STAMBP: variants seen among roughly 807,000 people sequenced by gnomAD.
STAMBP encodes the protein STAM-binding protein.
Under a neutral mutation model 50.7 loss-of-function variants are expected in STAMBP, and 31 were observed. The observed-to-expected ratio is 0.61, with a 90% confidence interval of 0.46 to 0.83. The LOEUF is 0.83. Among genes scored for constraint, STAMBP ranks in the 40% least tolerant of loss-of-function variants. The pLI is 0.00. For synonymous variants in STAMBP, 211 were observed against 192.4 expected, an observed-to-expected ratio of 1.10 and a Z score of -0.80; for missense variants, 472 against 518.9, an observed-to-expected ratio of 0.91 and a Z score of 0.88.
chr2:73,845,633 ATTTTTTT>A (rs944316554), intron 4 of STAMBP, among the ~76,000 whole-genome samples: 5 of 136,618 alleles, frequency 3.7e-5, no homozygotes, highest in Admixed American at 1.5e-4. Context: ...TTTTCAAGCT[ATTTTTTT>A]TTTTTTTTTT....
At chr2:73,842,886 C>T (rs1228778362) in intron 2 of STAMBP, among the ~76,000 whole-genome samples, 4 of 152,096 alleles carry the variant, frequency 2.6e-5, no homozygotes, top group Non-Finnish European at 4.4e-5. Flanking sequence ...TCAGGAAGCT[C>T]GCAGTGTAGT....
chr2:73,830,529 G>T (rs1381148807), intron 1 of STAMBP, among the ~76,000 whole-genome samples: 2 of 152,244 alleles, frequency 1.3e-5, no homozygotes, highest in Non-Finnish European at 2.9e-5. Context: ...TGTGGGCGGA[G>T]CCCCCTAATG....
Position 73,845,231 on chromosome 2 carries a change from C to A in STAMBP, c.344C>A (p.Thr115Asn), listed in dbSNP as rs777838297. ...ELKAELLKRYTKEYTEYNEEK... is the reference protein window; with the variant it reads ...ELKAELLKRYNKEYTEYNEEK... ...AAGGCAGAGCTGTTAAAACGATATA[C>A]CAAAGAATATACAGAATATAATGAA... The change falls in exon 4 of 10, where the codon ACC becomes AAC. Residue 115 changes from threonine (T) to asparagine (N), a missense_variant. Thr to Asn is a moderately conservative substitution (Grantham distance 65, BLOSUM62 0). Coordinates refer to ENST00000394070, the MANE Select transcript of STAMBP (RefSeq NM_213622.4). 2 of 1,613,514 alleles carry A rather than the reference C, an allele frequency of 1.2e-6. No homozygotes were observed. Among genetic ancestry groups the A allele is most frequent in the East Asian group, 2.2e-5 (1 of 44,850 alleles).
At chr2:73,834,233 AAAAATATATATATATATATATATATATAT>A (rs1558557924) in intron 2 of STAMBP, among the ~76,000 whole-genome samples, 5 of 13,662 alleles carry the variant, frequency 3.7e-4, no homozygotes, top group African/African-American at 1.2e-3. Context: ...AAAAAAAAAA[AAAAATATATATATATATATATATATATAT>A]ATATATATAT....
downstream of STAMBP, among the ~76,000 whole-genome samples, chr2:73,870,998 G>A (rs1206290129): frequency 6.6e-6 from 1 of 152,068 alleles, no homozygotes; most frequent in Non-Finnish European, 1.5e-5. Flanking sequence ...TTAAGCTCCT[G>A]GCCTCAAGCA....
At chr2:73,845,912 G>A (rs1041352036) in intron 4 of STAMBP, among the ~76,000 whole-genome samples, 5 of 152,206 alleles carry the variant, frequency 3.3e-5, no homozygotes, top group Non-Finnish European at 5.9e-5. Context: ...GATTACAGGC[G>A]TGAGCCGCTG....
intron 5 of STAMBP, among the ~76,000 whole-genome samples, chr2:73,848,723 C>T (rs1468404225): frequency 2.0e-5 from 3 of 152,156 alleles, no homozygotes; most frequent in Non-Finnish European, 4.4e-5. Flanking sequence ...AAGATCCTAC[C>T]TCTCAATAAT....
At chr2:73,834,273 A>T (rs1674440253) in intron 2 of STAMBP, among the ~76,000 whole-genome samples, 2 of 109,814 alleles carry the variant, frequency 1.8e-5, no homozygotes, top group Non-Finnish European at 3.6e-5. Context: ...ATATATATAT[A>T]TATATATATA....
At position 73,862,834 on chromosome 2, in the gene STAMBP, A is replaced by G. The variant is rs1229460207; in HGVS notation, c.*575A>G. On this transcript the variant is annotated 3_prime_UTR_variant, in exon 10 of 10. Coordinates refer to ENST00000394070, the MANE Select transcript of STAMBP (RefSeq NM_213622.4). ...ATTTTGTCAGGAATTATTGTTATTT[A>G]ATAAATATTTCAGGATATTTTTCCT... The G allele has an allele frequency of 6.6e-6, 1 of 152,652 alleles. No homozygotes were observed. The highest frequency in any genetic ancestry group is 1.5e-5 in the Non-Finnish European group (1 of 68,044). The allele number at this position is 152,652 out of a possible 1,614,324, so 9.5% of individuals were successfully genotyped here. A position where few individuals can be genotyped will look rare whatever the true frequency, so the allele number is the denominator to read the frequency against.
chr2:73,872,364 C>CT (rs1246488172), intron 10 of STAMBP, among the ~76,000 whole-genome samples: 1 of 152,174 alleles, frequency 6.6e-6, no homozygotes, highest in African/African-American at 2.4e-5. Context: ...GTGCTGTTAG[C>CT]TTTAGATAAT....
rs1334033890 is a variant in STAMBP at position 73,829,453 on chromosome 2, C to T, written c.-70C>T. The T allele has an allele frequency of 6.6e-6, 1 of 152,230 alleles. No homozygotes were observed. The highest frequency in any genetic ancestry group is 1.5e-5 in the Non-Finnish European group (1 of 68,080). 9.4% of individuals were successfully genotyped at this position (152,230 alleles called of 1,614,324 possible). On this transcript the variant is annotated 5_prime_UTR_variant, in exon 1 of 10. Coordinates refer to ENST00000394070, the MANE Select transcript of STAMBP (RefSeq NM_213622.4). Reference sequence around the variant, plus strand: ...TGCTCAACCAGGTGGTAACCGGCGCCGCTTCCTGGCCTTGGGAGGTGGTTC... The same window carrying T: ...TGCTCAACCAGGTGGTAACCGGCGCTGCTTCCTGGCCTTGGGAGGTGGTTC...
At chr2:73,849,231 ATCCCT>A in intron 5 of STAMBP, 127 bp from the exon 6 acceptor site, 1 of 1,335,862 alleles carries the variant, frequency 7.5e-7, no homozygotes, top group Non-Finnish European at 1.0e-6. Context: ...TTAGAATGAG[ATCCCT>A]ACTCACTGCC....
chr2:73,831,739 A>G (rs1024975072), intron 2 of STAMBP, among the ~76,000 whole-genome samples: 1 of 152,166 alleles, frequency 6.6e-6, no homozygotes. Context: ...AGGACTTTTT[A>G]AAAAATAATT....
chr2:73,843,886 C>G (rs1176570643), intron 2 of STAMBP, among the ~76,000 whole-genome samples: 1 of 152,192 alleles, frequency 6.6e-6, no homozygotes, highest in East Asian at 1.9e-4. Context: ...ATCTCAGTTT[C>G]TGTGTATTAC....
At chr2:73,833,533 A>G (rs1674218362) in intron 2 of STAMBP, among the ~76,000 whole-genome samples, 1 of 152,084 alleles carries the variant, frequency 6.6e-6, no homozygotes, top group East Asian at 1.9e-4. Context: ...GAATATTCTT[A>G]TGTATTTCCT....
chr2:73,868,344 TG>T (rs1436154021), downstream of STAMBP, among the ~76,000 whole-genome samples: 1 of 152,092 alleles, frequency 6.6e-6, no homozygotes, highest in Non-Finnish European at 1.5e-5. Context: ...GACTTGCCCA[TG>T]ATTCCACTGC....
At chr2:73,851,942 A>G (rs757676241) in intron 7 of STAMBP, among the ~76,000 whole-genome samples, 11 of 152,192 alleles carry the variant, frequency 7.2e-5, no homozygotes, top group Non-Finnish European at 1.6e-4. Context: ...GCCCGGCTAG[A>G]TATGTTTTAA....
chr2:73,860,428 A>G, intron 9 of STAMBP: 1 of 568,514 alleles, frequency 1.8e-6, no homozygotes, highest in Non-Finnish European at 2.5e-6. Flanking sequence ...CACCTACTTT[A>G]TAGGGTTCTT....
intron 7 of STAMBP, among the ~76,000 whole-genome samples, chr2:73,853,171 G>A (rs1456720673): frequency 1.3e-5 from 2 of 152,068 alleles, no homozygotes; most frequent in Non-Finnish European, 2.9e-5. Context: ...TGAGGATCTC[G>A]ATTTAGTGTG....
Sources: gnomAD v4.1 joint callset for allele counts (sites outside exome capture counted in the v4.1 genomes callset) on GRCh38, gnomAD v4.1.1 for gene constraint, MANE v1.5 for transcripts, NCBI Gene and HGNC (gene_info 2026-07-23, HGNC 2026-07-21) for gene names.